Variants in PAPPA observed in about 807,000 individuals in gnomAD.
PAPPA encodes the protein pappalysin 1.
PAPPA carries 60 observed loss-of-function variants against 164.0 expected under a neutral mutation model. The observed-to-expected ratio is 0.37, with a 90% CI of 0.30 to 0.45. The LOEUF (loss-of-function observed/expected upper bound fraction) is 0.45, where lower values mean the gene tolerates loss of function less well. Ranked by LOEUF, PAPPA falls within the 20% of genes least tolerant of loss-of-function variation. The pLI, the probability that PAPPA is intolerant of heterozygous loss-of-function variation, is 1.00. For missense variants in PAPPA, 1,782 were observed against 2,087.3 expected (o/e 0.85, Z 2.85); for synonymous variants, 875 against 814.1 (o/e 1.07, Z -1.27).
At position 116,396,586 on chromosome 9, in the gene PAPPA, G is replaced by GA. The variant is rs750205911; in HGVS notation, c.4857dup (p.Asp1620ArgfsTer47). On this transcript the variant is annotated frameshift_variant, in exon 22 of 22. Coordinates refer to ENST00000328252, the MANE Select transcript of PAPPA (RefSeq NM_002581.5). LOFTEE classifies it high-confidence loss of function. ...ACCCCCAGGCCCAAGAACACAGCCG[G>GA]AAAGACCTCCGGGGATACAGCCATG... 1.3e-6 allele frequency: 1 copy of GA among 780,880 alleles called. No homozygotes were observed. The highest frequency in any genetic ancestry group is 2.4e-6 in the Non-Finnish European group (1 of 417,992). 48.4% of individuals were successfully genotyped at this position (780,880 alleles called of 1,614,324 possible). A position where few individuals can be genotyped will look rare whatever the true frequency, so the allele number is the denominator to read the frequency against.
chr9:116,231,415 C>T (rs1587963145), intron 6 of PAPPA, among the ~76,000 whole-genome samples: 1 of 151,962 alleles, frequency 6.6e-6, no homozygotes. Context: ...ACTACATGTC[C>T]AATCAATCTC....
At chr9:116,319,094 A>G (rs1845821759) in intron 10 of PAPPA, among the ~76,000 whole-genome samples, 1 of 152,222 alleles carries the variant, frequency 6.6e-6, no homozygotes, top group African/African-American at 2.4e-5. Flanking sequence ...ATTAGTAATG[A>G]GATCCCAAGT....
intron 7 of PAPPA, among the ~76,000 whole-genome samples, chr9:116,254,571 A>T (rs1587973741): frequency 6.6e-6 from 1 of 152,270 alleles, no homozygotes; most frequent in East Asian, 1.9e-4. Context: ...TCACAAGGTC[A>T]GGAGATCGAG....
intron 10 of PAPPA, among the ~76,000 whole-genome samples, chr9:116,323,892 G>C (rs1475569480): frequency 2.6e-5 from 4 of 152,202 alleles, no homozygotes; most frequent in Admixed American, 1.3e-4. Context: ...AATAGGAAGA[G>C]TGAAGGTCAG....
chr9:116,330,119 G>A (rs141315647), intron 10 of PAPPA, among the ~76,000 whole-genome samples: 52 of 152,128 alleles, frequency 3.4e-4, no homozygotes, highest in Admixed American at 1.2e-3. Context: ...CAGGTCAGCC[G>A]TACTTTTCGG....
intron 12 of PAPPA, among the ~76,000 whole-genome samples, chr9:116,334,250 A>C (rs1416500358): frequency 7.3e-5 from 11 of 151,008 alleles, no homozygotes; most frequent in South Asian, 2.1e-4. Flanking sequence ...AAAAAAAAAA[A>C]AAAAAAAAAA....
chr9:116,369,057 ACT>A (rs765781181), intron 19 of PAPPA, among the ~76,000 whole-genome samples: 3 of 144,612 alleles, frequency 2.1e-5, no homozygotes, highest in Non-Finnish European at 4.6e-5. Flanking sequence ...CTGTTTTTCC[ACT>A]CTGTTTCTCT....
At chr9:116,258,670 C>A (rs1477594851) in intron 7 of PAPPA, among the ~76,000 whole-genome samples, 2 of 151,024 alleles carry the variant, frequency 1.3e-5, no homozygotes, top group Admixed American at 6.6e-5. Flanking sequence ...AACAAGATAA[C>A]CCCGAAAAAA....
chr9:116,154,711 C>T lies in PAPPA; in HGVS notation c.415+124C>T, dbSNP rs116754908. ...GCGTGTCTGTGCGAGAGCTGCCCCG[C>T]GAGCGGCGCAGAGACATCCGGGCGA... On this transcript the variant is annotated intron_variant, in intron 1 of 21. Transcript: ENST00000328252. This position sits in a 1 kb window ranked among gnomAD's most constrained non-coding sequence, Gnocchi z 5.2. 4.4e-6 allele frequency: 5 copies of T among 1,140,596 alleles called. No individual in the cohort carries two copies. The East Asian group carries it at 1.3e-4, about 30-fold the overall frequency. 70.7% of individuals were successfully genotyped at this position (1,140,596 alleles called of 1,614,324 possible).
In PAPPA at chr9:116,400,672, G is replaced by A. The variant is rs998677163; in HGVS notation, c.*4056G>A. On this transcript the variant is annotated 3_prime_UTR_variant, in exon 22 of 22. Coordinates refer to ENST00000328252, the MANE Select transcript of PAPPA (RefSeq NM_002581.5). ...GTGAGTTTTGAGAAACAAATCAAACGAAGTAAACAAGAAACATAAAAACCA... is the reference window on the plus strand; with the variant it reads ...GTGAGTTTTGAGAAACAAATCAAACAAAGTAAACAAGAAACATAAAAACCA... 1.6e-4 allele frequency: 25 copies of A among 152,090 alleles called. No homozygotes were observed. The highest frequency in any genetic ancestry group is 1.5e-3 in the Admixed American group (23 of 15,248). 9.4% of individuals were successfully genotyped at this position (152,090 alleles called of 1,614,324 possible). A position where few individuals can be genotyped will look rare whatever the true frequency, so the allele number is the denominator to read the frequency against.
intron 10 of PAPPA, among the ~76,000 whole-genome samples, chr9:116,314,270 C>T (rs763824087): frequency 2.6e-5 from 4 of 151,572 alleles, no homozygotes; most frequent in Non-Finnish European, 5.9e-5. Flanking sequence ...AGGGTTTCAC[C>T]ATGTTGGCCA....
At chr9:116,269,479 C>T (rs926932815) in intron 8 of PAPPA, among the ~76,000 whole-genome samples, 3 of 152,292 alleles carry the variant, frequency 2.0e-5, no homozygotes, top group Middle Eastern at 3.4e-3. Context: ...ATTACAGCCT[C>T]TTATAAGGGG....
chr9:116,165,732 T>C (rs1367350372), intron 1 of PAPPA, among the ~76,000 whole-genome samples: 1 of 152,194 alleles, frequency 6.6e-6, no homozygotes, highest in Non-Finnish European at 1.5e-5. Flanking sequence ...CTTTTTTTAC[T>C]TGGCTTATCT....
intron 10 of PAPPA, among the ~76,000 whole-genome samples, chr9:116,311,703 G>C (rs1393764860): frequency 1.3e-5 from 2 of 152,142 alleles, no homozygotes; most frequent in African/African-American, 4.8e-5. Flanking sequence ...CTGTGAGATG[G>C]TATGAGGATC....
chr9:116,270,392 G>A (rs1845122585), intron 8 of PAPPA, among the ~76,000 whole-genome samples: 1 of 152,244 alleles, frequency 6.6e-6, no homozygotes, highest in South Asian at 2.1e-4. Flanking sequence ...CTTGAAATGT[G>A]GCTACTATGA....
intron 9 of PAPPA, among the ~76,000 whole-genome samples, chr9:116,301,560 T>G (rs1033225473): frequency 1.3e-5 from 2 of 152,218 alleles, no homozygotes; most frequent in Admixed American, 6.5e-5. Context: ...TGTGTTGAAA[T>G]ATCAAGAAAC....
At chr9:116,290,824 T>C (rs553407098) in intron 9 of PAPPA, among the ~76,000 whole-genome samples, 133 of 151,462 alleles carry the variant, frequency 8.8e-4, no homozygotes, top group Non-Finnish European at 1.6e-3. Context: ...ATCCATGTTT[T>C]GGATTTTTTT....
At chr9:116,306,232 A>G (rs1285929543) in intron 10 of PAPPA, among the ~76,000 whole-genome samples, 1 of 152,212 alleles carries the variant, frequency 6.6e-6, no homozygotes, top group Non-Finnish European at 1.5e-5. Context: ...ACTGTACAAG[A>G]GTTAGGAGTG....
intron 10 of PAPPA, among the ~76,000 whole-genome samples, chr9:116,323,935 C>T (rs749538734): frequency 1.3e-5 from 2 of 152,156 alleles, no homozygotes; most frequent in African/African-American, 2.4e-5. Flanking sequence ...TTCTAGGAGG[C>T]AGGTCCCTTG....
Sources: gnomAD v4.1 joint callset for allele counts (sites outside exome capture counted in the v4.1 genomes callset) on GRCh38, gnomAD v4.1.1 for gene constraint, Gnocchi (gnomAD v3.1) non-coding constraint, MANE v1.5 for transcripts, NCBI Gene and HGNC (gene_info 2026-07-23, HGNC 2026-07-21) for gene names.